The following CRTC1 variants were observed in gnomAD, a reference collection of about 807,000 sequenced individuals.
CRTC1 encodes CREB regulated transcription coactivator 1.
In CRTC1, 18 loss-of-function variants were observed where a neutral mutation model predicts 66.1. The observed-to-expected ratio is 0.27, with a 90% CI of 0.19 to 0.40. The LOEUF is 0.40. CRTC1 is among the 10% of genes least tolerant of loss of function. The probability of loss-of-function intolerance (pLI) is 1.00; values close to 1 mark genes in which losing one functional copy is unlikely to be tolerated. For missense variants in CRTC1, 669 were observed against 887.9 expected (o/e 0.75, Z 3.13); for synonymous variants, 416 against 398.8 (o/e 1.04, Z -0.51).
chr19:18,763,326 C>G (rs1206325606), intron 8 of CRTC1, among the ~76,000 whole-genome samples: 3 of 152,174 alleles, frequency 2.0e-5, no homozygotes, highest in Non-Finnish European at 4.4e-5. Context: ...ATCTCAAACT[C>G]CTGCCCTCAG....
chr19:18,746,970 C>T, intron 3 of CRTC1, 83 bp from the exon 4 acceptor site: 2 of 1,376,440 alleles, frequency 1.5e-6, no homozygotes. Flanking sequence ...AGCCAGCCAG[C>T]CGGGGCTTCC....
At position 18,782,097 on chromosome 19, in the gene CRTC1, G is replaced by A. The variant is rs1004464539; in HGVS notation, c.*4715G>A. On this transcript the variant is annotated 3_prime_UTR_variant, in exon 14 of 14. Transcript: ENST00000321949. ...CTGATATATGCAAACCCGCCGGTCC[G>A]AGCCCTGTTCCTGCCTGTGCTCCTC... The A allele has an allele frequency of 6.2e-5, 14 of 224,220 alleles. No homozygotes were observed. Among genetic ancestry groups the A allele is most frequent in the African/African-American group, 1.8e-4 (8 of 44,750 alleles). 13.9% of individuals were successfully genotyped at this position (224,220 alleles called of 1,614,324 possible).
intron 10 of CRTC1, among the ~76,000 whole-genome samples, chr19:18,769,257 C>T (rs1439036908): frequency 6.6e-6 from 1 of 152,244 alleles, no homozygotes; most frequent in African/African-American, 2.4e-5. Context: ...CTGGGGGCTG[C>T]AGCTCAGACC....
intron 1 of CRTC1, among the ~76,000 whole-genome samples, chr19:18,730,309 T>C (rs1469443248): frequency 6.6e-6 from 1 of 152,050 alleles, no homozygotes; most frequent in East Asian, 1.9e-4. Context: ...TGCTGGGGCA[T>C]GTCCCAGGCA....
At chr19:18,720,525 GT>G (rs35827745) in intron 1 of CRTC1, among the ~76,000 whole-genome samples, 31,005 of 105,020 alleles carry the variant, frequency 0.3, 4,501 homozygotes, top group East Asian at 0.55. Context: ...AATTTTTAGT[GT>G]TTTTTTTTTT....
chr19:18,700,813 T>C (rs1351227998), intron 1 of CRTC1, among the ~76,000 whole-genome samples: 1 of 152,002 alleles, frequency 6.6e-6, no homozygotes, highest in Non-Finnish European at 1.5e-5. Flanking sequence ...GCTGCAGGGG[T>C]CTGCAGAACC....
At chr19:18,711,775 C>T (rs1323428894) in intron 1 of CRTC1, among the ~76,000 whole-genome samples, 2 of 152,178 alleles carry the variant, frequency 1.3e-5, no homozygotes, top group African/African-American at 4.8e-5. Flanking sequence ...CAGCAGCTGA[C>T]GTCCTCTTCC....
chr19:18,687,861 C>T (rs987751300), intron 1 of CRTC1, among the ~76,000 whole-genome samples: 6 of 150,926 alleles, frequency 4.0e-5, no homozygotes, highest in Non-Finnish European at 8.8e-5. Flanking sequence ...GGTCTTGGGG[C>T]GGAGGGGTGG....
rs1233378100 is a variant in CRTC1, at chr19:18,774,944, G to A, written c.1470G>A (p.Glu490=). Reference sequence around the variant, plus strand: ...GCGTGTTTGGGGACGCGTACTATGAGCAGCAGATGGCGGCCAGGCAGGCCA... The same window carrying A: ...GCGTGTTTGGGGACGCGTACTATGAACAGCAGATGGCGGCCAGGCAGGCCA... ...LGSVFGDAYY[E]QQMAARQANA... The change falls in exon 12 of 14, where the codon GAG becomes GAA. Residue 490 remains glutamate, a synonymous_variant. Coordinates refer to ENST00000321949, the MANE Select transcript of CRTC1 (RefSeq NM_015321.3). 6 of 1,609,658 alleles carry A rather than the reference G, an allele frequency of 3.7e-6. No individual in the cohort carries two copies. Among genetic ancestry groups the A allele is most frequent in the Non-Finnish European group, 5.1e-6 (6 of 1,180,014 alleles).
At chr19:18,744,574 G>T (rs866396974) in intron 2 of CRTC1, among the ~76,000 whole-genome samples, 15 of 152,332 alleles carry the variant, frequency 9.8e-5, no homozygotes, top group African/African-American at 3.1e-4. Flanking sequence ...GCGAGCCCGG[G>T]TGTGGCCAGC....
intron 1 of CRTC1, among the ~76,000 whole-genome samples, chr19:18,710,180 T>C (rs1235109473): frequency 6.6e-6 from 1 of 152,094 alleles, no homozygotes; most frequent in East Asian, 1.9e-4. Flanking sequence ...CATTTCCAGC[T>C]TGTTTTCTGC....
At chr19:18,684,128 C>T (rs936866073) in intron 1 of CRTC1, among the ~76,000 whole-genome samples, 6 of 151,956 alleles carry the variant, frequency 3.9e-5, no homozygotes, top group Non-Finnish European at 7.4e-5. Flanking sequence ...GTGCTAGTAC[C>T]TCGTCGTTAC....
intron 1 of CRTC1, among the ~76,000 whole-genome samples, chr19:18,689,612 G>A (rs987583999): frequency 9.5e-5 from 8 of 84,304 alleles, no homozygotes; most frequent in African/African-American, 3.9e-4. Context: ...CCATTTTGAC[G>A]TTTTTTAAGT....
chr19:18,743,005 C>T lies in CRTC1; in HGVS notation c.222C>T (p.Gly74=). Residue 74 remains glycine (G), a synonymous_variant, in exon 2 of 14, where the codon GGC becomes GGT. Coordinates refer to ENST00000321949, the MANE Select transcript of CRTC1 (RefSeq NM_015321.3). ...SLPNVNQIGS[G]TMDLPFQTPF... ...CCAACGTGAACCAGATCGGGAGTGG[C>T]ACCATGGACCTGCCCTTCCAGGTGA... 1.2e-6 allele frequency: 2 copies of T among 1,612,746 alleles called. No homozygotes were observed. Among genetic ancestry groups the T allele is most frequent in the Non-Finnish European group, 1.7e-6 (2 of 1,179,582 alleles).
chr19:18,712,625 A>C (rs923069911), intron 1 of CRTC1, among the ~76,000 whole-genome samples: 1 of 152,136 alleles, frequency 6.6e-6, no homozygotes, highest in Non-Finnish European at 1.5e-5. Flanking sequence ...TGTACAGTGA[A>C]CACCTCTGCC....
chr19:18,729,991 A>C (rs1330719140), intron 1 of CRTC1, among the ~76,000 whole-genome samples: 1 of 151,896 alleles, frequency 6.6e-6, no homozygotes, highest in Non-Finnish European at 1.5e-5. Context: ...GCCACACCCC[A>C]CCCAGGGGCC....
intron 1 of CRTC1, among the ~76,000 whole-genome samples, chr19:18,696,154 T>C (rs1172639559): frequency 6.6e-6 from 1 of 151,240 alleles, no homozygotes; most frequent in African/African-American, 2.4e-5. Context: ...AGCGCTAGAG[T>C]GGAGAGGCTG....
intron 1 of CRTC1, among the ~76,000 whole-genome samples, chr19:18,708,960 G>A (rs773305863): frequency 3.9e-5 from 6 of 152,180 alleles, no homozygotes; most frequent in African/African-American, 9.7e-5. Context: ...CCTGTCCTCC[G>A]TGGGGTGCTG....
chr19:18,748,707 A>G (rs2054299317), intron 4 of CRTC1, among the ~76,000 whole-genome samples: 1 of 150,856 alleles, frequency 6.6e-6, no homozygotes, highest in African/African-American at 2.4e-5. Context: ...CTCAAAAAAA[A>G]AAAAAGAAAA....
Sources: gnomAD v4.1 joint callset for allele counts (sites outside exome capture counted in the v4.1 genomes callset) on GRCh38, gnomAD v4.1.1 for gene constraint, MANE v1.5 for transcripts, NCBI Gene and HGNC (gene_info 2026-07-23, HGNC 2026-07-21) for gene names.